Variants in CPNE6 observed in about 807,000 individuals in gnomAD.
The protein encoded by CPNE6 is copine 6.
In CPNE6, 33 loss-of-function variants were observed where a neutral mutation model predicts 71.5. The ratio of observed to expected loss-of-function variants is 0.46; its 90% CI spans 0.35 to 0.62. CPNE6 has a LOEUF of 0.62. CPNE6 is among the 20% of genes least tolerant of loss of function. The pLI, the probability that CPNE6 is intolerant of heterozygous loss-of-function variation, is 0.00. For synonymous variants in CPNE6, 296 were observed against 293.0 expected (o/e 1.01, Z -0.10); for missense variants, 576 against 747.3 (o/e 0.77, Z 2.67).
rs577366055 is a variant in CPNE6, at chr14:24,071,135, G to T, written c.-120+107G>T. 3.8e-4 allele frequency: 478 copies of T among 1,272,126 alleles called. 5 individuals carry two copies. Among genetic ancestry groups the T allele is most frequent in the South Asian group, 3.5e-3 (266 of 75,672 alleles). 78.8% of individuals were successfully genotyped at this position (1,272,126 alleles called of 1,614,324 possible). A position where few individuals can be genotyped will look rare whatever the true frequency, so the allele number is the denominator to read the frequency against. On this transcript the variant is annotated intron_variant, in intron 1 of 17. Transcript: ENST00000397016. ...ACAATGTTGAAAGTGATGTGAGAAG[G>T]GGTATGTTTCCCAATGTGTATCCGC...
At chr14:24,071,511 AC>A in intron 1 of CPNE6, 50 bp from the exon 1 acceptor site, 1 of 310,974 alleles carries the variant, frequency 3.2e-6, no homozygotes, top group South Asian at 4.4e-5. Context: ...GCCCCCCCCC[AC>A]CCCTCCCCAT....
intron 14 of CPNE6, 107 bp from the exon 14 acceptor site, chr14:24,076,772 C>T (rs527793034): frequency 6.4e-6 from 10 of 1,561,786 alleles, no homozygotes; most frequent in Middle Eastern, 1.7e-4. Flanking sequence ...TGAAGGAACT[C>T]GAGGGGAGGG....
Position 24,073,522 on chromosome 14 carries a change from C to T in CPNE6, c.192C>T (p.Arg64=), listed in dbSNP as rs781262022. ...AGGTAGAGCGCACAGAGGTGCTTCG[C>T]TCCTGTTCCAGCCCTGTCTTCTCCC... The change falls in exon 4 of 18, where the codon CGC becomes CGT. Residue 64 remains arginine, a synonymous_variant. Transcript: ENST00000397016. This position sits in a 1 kb window ranked among gnomAD's most constrained non-coding sequence, Gnocchi z 5.5. 6.2e-7 allele frequency: 1 copy of T among 1,613,746 alleles called. No individual in the cohort carries two copies. Among genetic ancestry groups the T allele is most frequent in the Non-Finnish European group, 8.5e-7 (1 of 1,179,986 alleles).
chr14:24,071,502 C>CCA, intron 1 of CPNE6, 60 bp from the exon 1 acceptor site: 2 of 447,726 alleles, frequency 4.5e-6, no homozygotes, highest in Non-Finnish European at 7.0e-6. Flanking sequence ...TGGTGCTGCG[C>CCA]CCCCCCCCAC....
Position 24,075,133 on chromosome 14 carries a change from A to G in CPNE6, c.673-39A>G. 1 of 1,451,396 alleles carries G rather than the reference A, an allele frequency of 6.9e-7. No individual in the cohort carries two copies. Among genetic ancestry groups the G allele is most frequent in the South Asian group, 1.1e-5 (1 of 87,810 alleles). The allele number at this position is 1,451,396 out of a possible 1,614,324, so 89.9% of individuals were successfully genotyped here. Reference sequence around the variant, plus strand: ...CTACTCACCGTGAATACCGCAGAGCATCTCCAACCTGACCCCACCCCTCCC... The same window carrying G: ...CTACTCACCGTGAATACCGCAGAGCGTCTCCAACCTGACCCCACCCCTCCC... On this transcript the variant is annotated intron_variant, in intron 8 of 17. Coordinates refer to ENST00000397016, the Ensembl canonical transcript of CPNE6. The surrounding 1 kb of genome is among the most constrained non-coding windows in gnomAD (Gnocchi z 4.3).
At chr14:24,071,508 C>CG (rs2035897489) in intron 1 of CPNE6, 54 bp from the exon 1 acceptor site, 1 of 1,479,222 alleles carries the variant, frequency 6.8e-7, no homozygotes. Flanking sequence ...TGCGCCCCCC[C>CG]CCACCCCTCC....
chr14:24,074,986 C>A lies in CPNE6; in HGVS notation c.673-186C>A, dbSNP rs1291009492. ...GTGCATTTTATCAGTGGCCAAAGTCCCTAGCAGACTGAGCCAAAGAACAAA... is the reference window on the plus strand; with the variant it reads ...GTGCATTTTATCAGTGGCCAAAGTCACTAGCAGACTGAGCCAAAGAACAAA... On this transcript the variant is annotated intron_variant, in intron 8 of 17. Coordinates refer to ENST00000397016, the Ensembl canonical transcript of CPNE6. This position sits in a 1 kb window ranked among gnomAD's most constrained non-coding sequence, Gnocchi z 4.5. 1.3e-5 allele frequency among the ~76,000 whole-genome samples: 2 copies of A among 152,148 alleles called. No homozygotes were observed. The highest frequency in any genetic ancestry group is 2.9e-5 in the Non-Finnish European group (2 of 68,030).
rs2036102062 is a variant in CPNE6 at position 24,077,084 on chromosome 14, C to G, written c.1300-70C>G. 6.3e-7 allele frequency: 1 copy of G among 1,597,430 alleles called. No homozygotes were observed. The highest frequency in any genetic ancestry group is 1.1e-5 in the South Asian group (1 of 90,822). Reference sequence around the variant, plus strand: ...AGTGGTGCCAGGGCCAGGGTCTGCACCTTGGTGGAAACGGTGTCAACGCCC... The same window carrying G: ...AGTGGTGCCAGGGCCAGGGTCTGCAGCTTGGTGGAAACGGTGTCAACGCCC... On this transcript the variant is annotated intron_variant, in intron 15 of 17. Transcript: ENST00000397016. The surrounding 1 kb of genome is among the most constrained non-coding windows in gnomAD (Gnocchi z 6.1).
intron 2 of CPNE6, 25 bp from the exon 2 acceptor site, chr14:24,072,908 C>G: frequency 6.6e-7 from 1 of 1,511,148 alleles, no homozygotes; most frequent in Non-Finnish European, 8.8e-7. Context: ...TTCCAGAGTC[C>G]AGGCCACCTG....
In CPNE6 at chr14:24,073,014, G is replaced by A. The variant is rs1302459024; in HGVS notation, c.78G>A (p.Val26=). ...GGGCCTCTCGGGTGGAGCTGCGGGTGTCCTGCCATGGCCTCCTGGACCGGG... is the reference window on the plus strand; with the variant it reads ...GGGCCTCTCGGGTGGAGCTGCGGGTATCCTGCCATGGCCTCCTGGACCGGG... Residue 26 remains valine, a synonymous_variant, in exon 3 of 18, where the codon GTG becomes GTA. Coordinates refer to ENST00000397016, the Ensembl canonical transcript of CPNE6. The surrounding 1 kb of genome is among the most constrained non-coding windows in gnomAD (Gnocchi z 5.5). The A allele has an allele frequency of 4.4e-6, 7 of 1,579,742 alleles. No homozygotes were observed. Among genetic ancestry groups the A allele is most frequent in the Non-Finnish European group, 5.2e-6 (6 of 1,164,704 alleles).
rs2036141395 is a variant in CPNE6, at chr14:24,077,690, G to A, written c.1634G>A (p.Arg545Lys). 1.3e-6 allele frequency: 2 copies of A among 1,568,684 alleles called. No homozygotes were observed. The highest frequency in any genetic ancestry group is 2.4e-5 in the South Asian group (2 of 84,132). ...CAGGGCATCAGCCCTGGGGCTCCCA[G>A]GCCCTGCACACTGGCTACGACTCCC... Residue 545 changes from arginine (R) to lysine (K), a missense_variant, in exon 17 of 18, where the codon AGG becomes AAG. Arg to Lys is a conservative substitution (Grantham distance 26). This residue lies in a region of CPNE6 where 264 missense variants were observed against 339.9 expected (regional missense o/e 0.78). Transcript: ENST00000397016. The surrounding 1 kb of genome is among the most constrained non-coding windows in gnomAD (Gnocchi z 6.1).
rs777531261 is a variant in CPNE6 at position 24,076,895 on chromosome 14, C to T, written c.1182C>T (p.Ile394=). ...CACTCACAGAGATCTCAGGGGTCAT[C>T]GCCTCCTACCGTCGTTGCCTGCCCC... Residue 394 remains isoleucine, a synonymous_variant, in exon 15 of 18, where the codon ATC becomes ATT. Coordinates refer to ENST00000397016, the Ensembl canonical transcript of CPNE6. 54 of 1,613,088 alleles carry T rather than the reference C, an allele frequency of 3.3e-5. 1 individual carries two copies. In the South Asian group the frequency reaches 4.0e-4, roughly 12 times the overall value.
At position 24,074,844 on chromosome 14, in the gene CPNE6, C is replaced by A. The variant is rs754519706; in HGVS notation, c.672+49C>A. On this transcript the variant is annotated intron_variant, in intron 8 of 17. Coordinates refer to ENST00000397016, the Ensembl canonical transcript of CPNE6. The surrounding 1 kb of genome is among the most constrained non-coding windows in gnomAD (Gnocchi z 4.5). The stretch of plus-strand genomic sequence containing the variant: ...CAGCCTACTTAGAGCAACCAATCTG[C>A]TATCTAAGACCTTTCCCCTGCATGT... The A allele has an allele frequency of 2.4e-5, 36 of 1,483,398 alleles. 1 individual carries two copies. The Middle Eastern group carries it at 5.2e-4, about 21-fold the overall frequency. 91.9% of individuals were successfully genotyped at this position (1,483,398 alleles called of 1,614,324 possible).
Position 24,077,444 on chromosome 14 carries a change from C to CA in CPNE6, c.1536+57dup, listed in dbSNP as rs750126362. 2.0e-5 allele frequency: 32 copies of CA among 1,583,228 alleles called. No homozygotes were observed. In the Middle Eastern group the frequency reaches 5.0e-4, roughly 25 times the overall value. ...AGGACTCCTCAGCTTCTCATCCCCCCAAATCTGACCTTCGTCTTCCACCAT... is the reference window on the plus strand; with the variant it reads ...AGGACTCCTCAGCTTCTCATCCCCCCAAAATCTGACCTTCGTCTTCCACCAT... On this transcript the variant is annotated intron_variant, in intron 16 of 17. Transcript: ENST00000397016. This position sits in a 1 kb window ranked among gnomAD's most constrained non-coding sequence, Gnocchi z 6.1.
rs1273091651 is a variant in CPNE6, at chr14:24,075,581, C to T, written c.854C>T (p.Ala285Val). The T allele has an allele frequency of 6.2e-7, 1 of 1,610,386 alleles. No homozygotes were observed. Among genetic ancestry groups the T allele is most frequent in the Non-Finnish European group, 8.5e-7 (1 of 1,178,268 alleles). Residue 285 changes from alanine (A) to valine (V), a missense_variant, in exon 10 of 18, where the codon GCC (alanine) becomes GTC (valine). Ala to Val is a moderately conservative substitution (Grantham distance 64, BLOSUM62 0). Around this residue, in one of 4 missense-constraint regions of CPNE6, gnomAD observed 214 missense variants for 291.2 expected, o/e 0.73. Coordinates refer to ENST00000397016, the Ensembl canonical transcript of CPNE6. This position sits in a 1 kb window ranked among gnomAD's most constrained non-coding sequence, Gnocchi z 4.3. The stretch of plus-strand genomic sequence containing the variant: ...AAGAGCTCAGGGACGGTAGTGCTGG[C>T]CCAGTGCACGGTAAATTTCACTTCC...
chr14:24,077,735 C>A lies in CPNE6; in HGVS notation c.*5C>A. 1.3e-6 allele frequency: 2 copies of A among 1,518,828 alleles called. No homozygotes were observed. The highest frequency in any genetic ancestry group is 1.8e-6 in the Non-Finnish European group (2 of 1,134,612). The allele number at this position is 1,518,828 out of a possible 1,614,324, so 94.1% of individuals were successfully genotyped here. On this transcript the variant is annotated 3_prime_UTR_variant, in exon 17 of 18. Coordinates refer to ENST00000397016, the Ensembl canonical transcript of CPNE6. This position sits in a 1 kb window ranked among gnomAD's most constrained non-coding sequence, Gnocchi z 6.1. ...ACTCCCAGCCCTAGCCCGTGACTGC[C>A]TCCCTCCGGACCGACACTCCCTCAG...
Position 24,073,980 on chromosome 14 carries a change from T to G in CPNE6, c.349-71T>G. Reference sequence around the variant, plus strand: ...TTGCAGACACTCAGAGCATTTATTATTCCATCCCTTGTACGTGGCCAAGGC... The same window carrying G: ...TTGCAGACACTCAGAGCATTTATTAGTCCATCCCTTGTACGTGGCCAAGGC... On this transcript the variant is annotated intron_variant, in intron 4 of 17. Coordinates refer to ENST00000397016, the Ensembl canonical transcript of CPNE6. The surrounding 1 kb of genome is among the most constrained non-coding windows in gnomAD (Gnocchi z 5.5). 1 of 1,355,812 alleles carries G rather than the reference T, an allele frequency of 7.4e-7. No homozygotes were observed. Among genetic ancestry groups the G allele is most frequent in the East Asian group, 2.3e-5 (1 of 43,646 alleles). The allele number at this position is 1,355,812 out of a possible 1,614,324, so 84.0% of individuals were successfully genotyped here.
chr14:24,074,934 C>A lies in CPNE6; in HGVS notation c.672+139C>A. 1 of 778,258 alleles carries A rather than the reference C, an allele frequency of 1.3e-6. No individual in the cohort carries two copies. Among genetic ancestry groups the A allele is most frequent in the Non-Finnish European group, 2.2e-6 (1 of 464,454 alleles). 48.2% of individuals were successfully genotyped at this position (778,258 alleles called of 1,614,324 possible). On this transcript the variant is annotated intron_variant, in intron 8 of 17. Transcript: ENST00000397016. The surrounding 1 kb of genome is among the most constrained non-coding windows in gnomAD (Gnocchi z 4.5). ...CCACTGTGGGATAAATAATAGGTCA[C>A]AGCTCAATGTTAAACTTCCCACATG...
chr14:24,071,486 G>A, intron 1 of CPNE6, 76 bp from the exon 1 acceptor site: 1 of 1,529,426 alleles, frequency 6.5e-7, no homozygotes, highest in South Asian at 1.2e-5. Flanking sequence ...TCCACGCGGG[G>A]GGAGCTGGTG....
Sources: allele counts gnomAD v4.1 joint callset (sites outside exome capture counted in the v4.1 genomes callset), GRCh38; gene constraint gnomAD v4.1.1; regional missense constraint gnomAD v4.1.1; non-coding constraint Gnocchi (gnomAD v3.1); transcripts MANE v1.5; gene names NCBI Gene and HGNC (gene_info 2026-07-23, HGNC 2026-07-21).